Variants in TYW3 observed in about 807,000 individuals in gnomAD.
TYW3 encodes tRNA-yW synthesizing protein 3 homolog.
TYW3 carries 26 observed loss-of-function variants against 23.1 expected under a neutral mutation model. That is an observed-to-expected ratio of 1.13 (90% CI 0.83 to 1.56). TYW3 has a LOEUF of 1.56. Among genes scored for constraint, TYW3 ranks in the 40% most tolerant of loss-of-function variants. The pLI is 0.00. For synonymous variants in TYW3, 102 were observed against 105.7 expected, an observed-to-expected ratio of 0.97 and a Z score of 0.21; for missense variants, 316 against 311.9, an observed-to-expected ratio of 1.01 and a Z score of -0.10.
chr1:74,740,847 T>C lies in TYW3; in HGVS notation c.354+2059T>C, dbSNP rs981485958. 4.5e-4 allele frequency among the ~76,000 whole-genome samples: 69 copies of C among 152,356 alleles called. 1 individual carries two copies. Among genetic ancestry groups the C allele is most frequent in the Non-Finnish European group, 3.5e-4 (24 of 68,044 alleles). On this transcript the variant is annotated intron_variant, in intron 3 of 5. Transcript: ENST00000370867. ...AGAGTGCTGATTGGTGCATTTGCAG[T>C]CCTCTAGCTAGACAGAAAAGTTCTC...
At chr1:74,741,825 G>T (rs934513516) in intron 3 of TYW3, among the ~76,000 whole-genome samples, 9 of 152,148 alleles carry the variant, frequency 5.9e-5, no homozygotes, top group African/African-American at 1.9e-4. Context: ...TGAGTTTCTT[G>T]TGTTAGTTTT....
intron 5 of TYW3, among the ~76,000 whole-genome samples, chr1:74,760,892 A>G (rs2100778414): frequency 6.6e-6 from 1 of 152,362 alleles, no homozygotes; most frequent in East Asian, 1.9e-4. Context: ...GTGGTTTTCT[A>G]ACTGACGTTG....
rs1432405985 is a variant in TYW3 at position 74,735,245 on chromosome 1, A to G, written c.175-1297A>G. On this transcript the variant is annotated intron_variant, in intron 1 of 5. Transcript: ENST00000370867. ...TAGTATACCTTTCAACCTTTTTTTC[A>G]TTGCTTTTCTTCATCTTTAGCTAGT... Among the ~76,000 whole-genome samples the G allele has an allele frequency of 4.6e-5, 7 of 151,986 alleles. No homozygotes were observed. In the East Asian group the frequency reaches 1.2e-3, roughly 25 times the overall value.
intron 1 of TYW3, among the ~76,000 whole-genome samples, chr1:74,735,684 C>A (rs1037668956): frequency 6.6e-6 from 1 of 152,176 alleles, no homozygotes; most frequent in Non-Finnish European, 1.5e-5. Flanking sequence ...ATACATTTGG[C>A]TCTAAGATTC....
chr1:74,764,424 T>C lies in TYW3; in HGVS notation c.*311T>C. 1 of 218,794 alleles carries C rather than the reference T, an allele frequency of 4.6e-6. No homozygotes were observed. Among genetic ancestry groups the C allele is most frequent in the East Asian group, 1.0e-4 (1 of 9,710 alleles). 13.6% of individuals were successfully genotyped at this position (218,794 alleles called of 1,614,324 possible). On this transcript the variant is annotated 3_prime_UTR_variant, in exon 6 of 6. Transcript: ENST00000370867. ...AATGGTGTCTTATTCTGAAATAACCTGACCTAAGACAGGTATTTAGATTAT... is the reference window on the plus strand; with the variant it reads ...AATGGTGTCTTATTCTGAAATAACCCGACCTAAGACAGGTATTTAGATTAT...
At chr1:74,740,335 C>T (rs992136173) in intron 3 of TYW3, among the ~76,000 whole-genome samples, 3 of 152,214 alleles carry the variant, frequency 2.0e-5, no homozygotes, top group African/African-American at 7.2e-5. Context: ...AAGCCGCAGA[C>T]TTCCACAGTG....
intron 3 of TYW3, among the ~76,000 whole-genome samples, chr1:74,746,812 G>A (rs1557745802): frequency 1.3e-5 from 2 of 152,162 alleles, no homozygotes; most frequent in Non-Finnish European, 2.9e-5. Context: ...TTGCACTCCA[G>A]CCTGGGTGAC....
At chr1:74,740,301 G>A (rs1377559368) in intron 3 of TYW3, among the ~76,000 whole-genome samples, 15 of 152,268 alleles carry the variant, frequency 9.9e-5, no homozygotes, top group Non-Finnish European at 2.1e-4. Flanking sequence ...CAGTGGGTTC[G>A]TGGTCTTGCT....
At chr1:74,735,999 GAAA>G (rs1648141742) in intron 1 of TYW3, among the ~76,000 whole-genome samples, 2 of 152,112 alleles carry the variant, frequency 1.3e-5, no homozygotes, top group South Asian at 4.1e-4. Context: ...TTGCCTTCAT[GAAA>G]CTTTGACCTT....
intron 3 of TYW3, among the ~76,000 whole-genome samples, chr1:74,739,405 G>A (rs527476419): frequency 4.6e-5 from 7 of 152,282 alleles, no homozygotes; most frequent in East Asian, 1.9e-4. Flanking sequence ...ATGTTCTACC[G>A]AAGGAAAAAA....
chr1:74,741,969 A>G (rs771577576), intron 3 of TYW3, among the ~76,000 whole-genome samples: 1 of 152,236 alleles, frequency 6.6e-6, no homozygotes, highest in Non-Finnish European at 1.5e-5. Flanking sequence ...TTTAAAAGCC[A>G]GATCATTGTT....
chr1:74,747,802 T>C (rs1264369524), intron 3 of TYW3, among the ~76,000 whole-genome samples: 4 of 143,782 alleles, frequency 2.8e-5, no homozygotes, highest in Admixed American at 1.4e-4. Flanking sequence ...TGTACATATA[T>C]ATGTGTACAC....
chr1:74,747,238 G>C (rs973596954), intron 3 of TYW3, among the ~76,000 whole-genome samples: 1 of 152,204 alleles, frequency 6.6e-6, no homozygotes, highest in East Asian at 1.9e-4. Context: ...CGTAGAGGTA[G>C]AATCAATGGG....
Position 74,738,793 on chromosome 1 carries a change from A to G in TYW3, c.354+5A>G. On this transcript the variant is annotated splice_donor_5th_base_variant and intron_variant, in intron 3 of 5. Transcript: ENST00000370867. ...TTGCAGGATGCACAGATTCTGGTAA[A>G]ATTTTGTTGTAATTGTACTTGAATT... 1.2e-6 allele frequency: 2 copies of G among 1,604,428 alleles called. No homozygotes were observed. The highest frequency in any genetic ancestry group is 4.5e-5 in the East Asian group (2 of 44,716).
chr1:74,748,968 C>T (rs1197754096), intron 4 of TYW3, 146 bp downstream of exon 4: 1 of 711,704 alleles, frequency 1.4e-6, no homozygotes, highest in Non-Finnish European at 2.3e-6. Context: ...CTTACTCCTT[C>T]CTACAGGGCA....
At chr1:74,753,158 G>A (rs1272667556) in intron 5 of TYW3, among the ~76,000 whole-genome samples, 2 of 152,170 alleles carry the variant, frequency 1.3e-5, no homozygotes. Flanking sequence ...GTTATCCAAG[G>A]AGTAATAGCC....
intron 3 of TYW3, among the ~76,000 whole-genome samples, chr1:74,740,359 C>A (rs537576042): frequency 6.6e-6 from 1 of 152,166 alleles, no homozygotes; most frequent in African/African-American, 2.4e-5. Context: ...GTTAACAGCT[C>A]ATAATGGTAA....
intron 5 of TYW3, among the ~76,000 whole-genome samples, chr1:74,761,105 C>G (rs1487834522): frequency 6.6e-6 from 1 of 151,208 alleles, no homozygotes; most frequent in Non-Finnish European, 1.5e-5. Context: ...CATTTTGTTG[C>G]CTGTGAGAGT....
intron 5 of TYW3, among the ~76,000 whole-genome samples, chr1:74,759,182 C>G (rs1649051391): frequency 6.6e-6 from 1 of 152,102 alleles, no homozygotes; most frequent in African/African-American, 2.4e-5. Context: ...TAGGCTCTTT[C>G]TATAGCCTAA....
Sources: allele counts gnomAD v4.1 joint callset (sites outside exome capture counted in the v4.1 genomes callset), GRCh38; gene constraint gnomAD v4.1.1; transcripts MANE v1.5; gene names NCBI Gene and HGNC (gene_info 2026-07-23, HGNC 2026-07-21).